The following NIPBL variants were observed in gnomAD, a reference collection of about 807,000 sequenced individuals.
NIPBL encodes the protein nipped-B-like protein.
NIPBL carries 19 observed loss-of-function variants against 321.8 expected under a neutral mutation model. That is an observed-to-expected ratio of 0.06 (90% CI 0.04 to 0.09). The LOEUF is 0.09. Ranked by LOEUF, NIPBL falls within the 10% of genes least tolerant of loss-of-function variation. The pLI is 1.00. For missense variants in NIPBL, 2,210 were observed against 3,327.0 expected (o/e 0.66, Z 8.26); for synonymous variants, 1,106 against 1,114.1 (o/e 0.99, Z 0.14).
chr5:36,898,332 TA>T (rs1231211575), intron 1 of NIPBL, among the ~76,000 whole-genome samples: 2 of 151,286 alleles, frequency 1.3e-5, no homozygotes, highest in African/African-American at 4.9e-5. Context: ...ATCCTGCCTT[TA>T]AAAAAAAATT....
At chr5:36,953,418 T>C (rs1740621486) in intron 1 of NIPBL, among the ~76,000 whole-genome samples, 200 bp from the exon 2 acceptor site, 1 of 152,210 alleles carries the variant, frequency 6.6e-6, no homozygotes, top group Non-Finnish European at 1.5e-5. Flanking sequence ...GCTACTGTAC[T>C]GGGTTGTTGT....
intron 46 of NIPBL, 157 bp downstream of exon 46, chr5:37,064,135 C>T (rs1439491579): frequency 4.2e-6 from 6 of 1,436,518 alleles, no homozygotes; most frequent in Non-Finnish European, 5.5e-6. Flanking sequence ...CCCGTTTATA[C>T]ATCCTTTTGT....
rs1454873519 is a variant in NIPBL at position 37,065,589 on chromosome 5, A to G, written c.*697A>G. The G allele has an allele frequency of 6.6e-6, 1 of 152,596 alleles. No homozygotes were observed. Among genetic ancestry groups the G allele is most frequent in the African/African-American group, 2.4e-5 (1 of 41,458 alleles). 9.5% of individuals were successfully genotyped at this position (152,596 alleles called of 1,614,324 possible). A position where few individuals can be genotyped will look rare whatever the true frequency, so the allele number is the denominator to read the frequency against. On this transcript the variant is annotated 3_prime_UTR_variant, in exon 47 of 47. Transcript: ENST00000282516. ...TTTTACAGTCTTTTATGTAAAATTT[A>G]TTATATCACTGGTTTTCAAAGCAAA... is the stretch of plus-strand genomic sequence containing the variant.
intron 30 of NIPBL, 46 bp downstream of exon 30, chr5:37,024,765 A>G (rs200167744): frequency 1.4e-6 from 2 of 1,473,476 alleles, no homozygotes; most frequent in Admixed American, 1.8e-5. Flanking sequence ...TGTTTAAAAT[A>G]AGTTAAATGT....
Position 36,938,057 on chromosome 5 carries a change from G to A in NIPBL, c.-79-15561G>A, listed in dbSNP as rs542269686. On this transcript the variant is annotated intron_variant, in intron 1 of 46. Transcript: ENST00000282516. Reference sequence around the variant, plus strand: ...TTTACCCCCTGCTCCTAAAGGGGCAGATTATATTTCCTTGCCCCCTGACTT... The same window carrying A: ...TTTACCCCCTGCTCCTAAAGGGGCAAATTATATTTCCTTGCCCCCTGACTT... Among the ~76,000 whole-genome samples, 6 of 152,234 alleles carry A rather than the reference G, an allele frequency of 3.9e-5. No individual in the cohort carries two copies. The East Asian group carries it at 1.2e-3, about 29-fold the overall frequency.
At chr5:37,051,681 A>T in intron 40 of NIPBL, 98 bp from the exon 41 acceptor site, 1 of 789,108 alleles carries the variant, frequency 1.3e-6, no homozygotes, top group Non-Finnish European at 2.2e-6. Context: ...CTATAAGGTT[A>T]AATTCATATA....
chr5:37,055,991 A>C (rs1038671948), intron 42 of NIPBL, among the ~76,000 whole-genome samples: 1 of 152,190 alleles, frequency 6.6e-6, no homozygotes, highest in Non-Finnish European at 1.5e-5. Flanking sequence ...TTTAAAAAAA[A>C]ATAGTGGGGA....
chr5:36,893,548 T>G (rs1223619233), intron 1 of NIPBL, among the ~76,000 whole-genome samples: 1 of 152,144 alleles, frequency 6.6e-6, no homozygotes, highest in Non-Finnish European at 1.5e-5. Context: ...AGTTTCTCTT[T>G]TAGCTGTGTT....
intron 14 of NIPBL, 29 bp from the exon 15 acceptor site, chr5:37,002,633 G>A: frequency 7.2e-7 from 1 of 1,382,782 alleles, no homozygotes; most frequent in Non-Finnish European, 1.0e-6. Context: ...CCTAAACTTT[G>A]TTTGTGTTTG....
chr5:36,891,058 G>A (rs191360727), intron 1 of NIPBL, among the ~76,000 whole-genome samples: 2 of 152,298 alleles, frequency 1.3e-5, no homozygotes, highest in East Asian at 3.9e-4. Context: ...GAAGTCAGGA[G>A]ATGGAGACCA....
intron 1 of NIPBL, among the ~76,000 whole-genome samples, chr5:36,890,284 A>G (rs1746222270): frequency 6.6e-6 from 1 of 152,204 alleles, no homozygotes. Flanking sequence ...CGCTTAGAGT[A>G]GAATCTCTTA....
chr5:36,998,265 A>G lies in NIPBL; in HGVS notation c.3305-2108A>G, dbSNP rs146168238. Among the ~76,000 whole-genome samples, 6 of 152,076 alleles carry G rather than the reference A, an allele frequency of 3.9e-5. No individual in the cohort carries two copies. The East Asian group carries it at 1.2e-3, about 29-fold the overall frequency. ...ATCCTAATAACCTCATTATAACACA[A>G]TGTGTTATGGAAGTTGTTTTTTTTT... On this transcript the variant is annotated intron_variant, in intron 11 of 46. Transcript: ENST00000282516.
intron 32 of NIPBL, among the ~76,000 whole-genome samples, chr5:37,030,328 A>G (rs555095411): frequency 6.6e-6 from 1 of 152,272 alleles, no homozygotes; most frequent in Admixed American, 6.5e-5. Context: ...TGACTTTGTG[A>G]TATATTTCCT....
At chr5:36,900,223 A>G (rs574602905) in intron 1 of NIPBL, among the ~76,000 whole-genome samples, 2 of 152,324 alleles carry the variant, frequency 1.3e-5, no homozygotes, top group East Asian at 3.9e-4. Context: ...AAAAAAATAC[A>G]AAAACATTTA....
intron 1 of NIPBL, among the ~76,000 whole-genome samples, chr5:36,947,227 T>A (rs762343058): frequency 7.2e-5 from 11 of 152,072 alleles, no homozygotes; most frequent in Non-Finnish European, 1.0e-4. Flanking sequence ...TCCATAACTA[T>A]AGCTATAGTT....
rs148675296 is a variant in NIPBL at position 37,022,169 on chromosome 5, C to G, written c.5427+20C>G. 2 of 1,613,044 alleles carry G rather than the reference C, an allele frequency of 1.2e-6. No individual in the cohort carries two copies. The highest frequency in any genetic ancestry group is 1.3e-5 in the African/African-American group (1 of 75,000). On this transcript the variant is annotated intron_variant, in intron 28 of 46. Transcript: ENST00000282516. ...GCAAGGGTAAAGAGCAAAAATGATT[C>G]TTTCTTTTCTACTCGAATTGGAATA...
Position 37,048,946 on chromosome 5 carries a change from G to GACAC in NIPBL, c.6764-144_6764-141dup, listed in dbSNP as rs56972789. Among the ~76,000 whole-genome samples the GACAC allele has an allele frequency of 0.049, 7,260 of 148,634 alleles. 348 individuals are homozygous for GACAC. Among genetic ancestry groups the GACAC allele is most frequent in the African/African-American group, 0.12 (4,921 of 40,716 alleles). On this transcript the variant is annotated intron_variant, in intron 39 of 46. Transcript: ENST00000282516. ...GGTTCTCAAAGGGGCCTCTGACACA[G>GACAC]ACACACACACACACACACACACACT...
At chr5:36,968,095 CAAAAA>C (rs1194609840) in intron 6 of NIPBL, among the ~76,000 whole-genome samples, 1 of 54,190 alleles carries the variant, frequency 1.8e-5, no homozygotes, top group African/African-American at 7.6e-5. Flanking sequence ...GACTCTGTCT[CAAAAA>C]AAAAAAAAAA....
At chr5:37,051,603 T>C (rs567834564) in intron 40 of NIPBL, 176 bp from the exon 41 acceptor site, 98 of 615,494 alleles carry the variant, frequency 1.6e-4, no homozygotes, top group Admixed American at 6.0e-4. Flanking sequence ...GCTTTCTGGA[T>C]TTAAGCTGAA....
Sources: gnomAD v4.1 joint callset for allele counts (sites outside exome capture counted in the v4.1 genomes callset) on GRCh38, gnomAD v4.1.1 for gene constraint, MANE v1.5 for transcripts, NCBI Gene and HGNC (gene_info 2026-07-23, HGNC 2026-07-21) for gene names.